The following INTS6 variants were observed in gnomAD, a reference collection of about 807,000 sequenced individuals.
INTS6 encodes the protein DEAD box protein.
A neutral mutation model predicts 104.9 loss-of-function variants in INTS6; 16 were observed. The observed-to-expected ratio is 0.15, with a 90% CI of 0.10 to 0.23. The LOEUF (loss-of-function observed/expected upper bound fraction) is 0.23. Ranked by LOEUF, INTS6 falls within the 10% of genes least tolerant of loss-of-function variation. INTS6 has a pLI of 1.00. For synonymous variants in INTS6, 324 were observed against 358.7 expected, an observed-to-expected ratio of 0.90 and a Z score of 1.09; for missense variants, 584 against 1,062.8, an observed-to-expected ratio of 0.55 and a Z score of 6.26.
chr13:51,404,115 G>C (rs1012130478), intron 4 of INTS6, among the ~76,000 whole-genome samples: 2 of 148,170 alleles, frequency 1.3e-5, no homozygotes, highest in Admixed American at 6.7e-5. Context: ...GAGAGAGAGA[G>C]AGAGAGAGAC....
At position 51,452,733 on chromosome 13, in the gene INTS6, T is replaced by A. The variant is rs1953091878; in HGVS notation, c.-208A>T. ...TCCCCAGACCCAGTGCTCCCCGTCGTACCCCCGCCTCCGCCTCCTCCTGCC... is the reference window on the plus strand; with the variant it reads ...TCCCCAGACCCAGTGCTCCCCGTCGAACCCCCGCCTCCGCCTCCTCCTGCC... On this transcript the variant is annotated 5_prime_UTR_variant, in exon 1 of 18. Transcript: ENST00000311234. This position sits in a 1 kb window ranked among gnomAD's most constrained non-coding sequence, Gnocchi z 4.2. The A allele has an allele frequency of 4.0e-6, 5 of 1,245,478 alleles. No individual in the cohort carries two copies. The highest frequency in any genetic ancestry group is 5.0e-6 in the Non-Finnish European group (5 of 990,354). 77.2% of individuals were successfully genotyped at this position (1,245,478 alleles called of 1,614,324 possible).
intron 7 of INTS6, among the ~76,000 whole-genome samples, chr13:51,386,913 G>C (rs1956150097): frequency 6.6e-6 from 1 of 151,952 alleles, no homozygotes; most frequent in South Asian, 2.1e-4. Context: ...AAATAATTCA[G>C]GTAAACAAAA....
chr13:51,434,830 G>C (rs1957158324), intron 3 of INTS6, among the ~76,000 whole-genome samples: 1 of 152,046 alleles, frequency 6.6e-6, no homozygotes, highest in East Asian at 1.9e-4. Flanking sequence ...AGTTTTAGTT[G>C]TCTGCCAGTA....
chr13:51,423,098 A>G (rs1443471336), intron 4 of INTS6: 1 of 1,265,700 alleles, frequency 7.9e-7, no homozygotes, highest in Non-Finnish European at 1.0e-6. Context: ...TACCTAGAAC[A>G]TAAATATAGA....
the INTS6 span, chr13:51,348,500 T>C: frequency 9.4e-7 from 1 of 1,068,172 alleles, no homozygotes; most frequent in Middle Eastern, 2.1e-4. Flanking sequence ...CTCCAGGGTC[T>C]GTGCTTAGCC....
the INTS6 span, among the ~76,000 whole-genome samples, chr13:51,344,993 C>G: frequency 2.0e-5 from 3 of 152,190 alleles, no homozygotes; most frequent in Non-Finnish European, 2.9e-5. Flanking sequence ...GCCTCGCTGC[C>G]CAGCAATGAG....
chr13:51,421,855 A>AAC (rs142831602), intron 4 of INTS6, among the ~76,000 whole-genome samples: 1,725 of 152,012 alleles, frequency 0.011, 25 homozygotes, highest in East Asian at 0.071. Flanking sequence ...CACAGAGTAA[A>AAC]ACACACACAC....
At chr13:51,443,337 G>A (rs377113342) in intron 3 of INTS6, 4 of 152,222 alleles carry the variant, frequency 2.6e-5, no homozygotes, top group African/African-American at 9.6e-5. Context: ...CTTGTCAGTA[G>A]ATGCAAATGT....
At chr13:51,447,186 T>C (rs374177706) in intron 3 of INTS6, 2 of 152,332 alleles carry the variant, frequency 1.3e-5, no homozygotes, top group East Asian at 3.9e-4. Context: ...TATAGCTTAA[T>C]AAATATCAAA....
the INTS6 span, chr13:51,344,165 C>T: frequency 2.1e-6 from 2 of 937,104 alleles, no homozygotes; most frequent in Non-Finnish European, 3.4e-6. Flanking sequence ...TGCTGGCGTT[C>T]CATCTCAATG....
At chr13:51,399,426 G>A (rs115084686) in intron 4 of INTS6, among the ~76,000 whole-genome samples, 51 of 152,134 alleles carry the variant, frequency 3.4e-4, no homozygotes, top group African/African-American at 1.0e-3. Context: ...CTCAAACTCC[G>A]TAATTATCCT....
At chr13:51,339,866 G>A in the INTS6 span, 1 of 152,138 alleles carries the variant, frequency 6.6e-6, no homozygotes, top group African/African-American at 2.4e-5. Flanking sequence ...AGAGCTGTGA[G>A]AACCCTGGGG....
chr13:51,357,086 A>G (rs1189100030), downstream of INTS6, among the ~76,000 whole-genome samples: 1 of 152,202 alleles, frequency 6.6e-6, no homozygotes, highest in Admixed American at 6.6e-5. Flanking sequence ...CTGCTACAGC[A>G]GCAAAACTGA....
rs981892198 is a variant in INTS6, at chr13:51,449,586, A to G, written c.339+1439T>C. On this transcript the variant is annotated intron_variant, in intron 3 of 17. Transcript: ENST00000311234. ...AAAAGAGGAAACTAATAGTTCTGCC[A>G]TACACTAACAACATGACAACCAAAT... 4.1e-6 allele frequency: 4 copies of G among 985,224 alleles called. No individual in the cohort carries two copies. In the African/African-American group the frequency reaches 7.0e-5, roughly 17 times the overall value. 61.0% of individuals were successfully genotyped at this position (985,224 alleles called of 1,614,324 possible). A position where few individuals can be genotyped will look rare whatever the true frequency, so the allele number is the denominator to read the frequency against.
At chr13:51,354,990 A>G in intron 3 of INTS6, 1 of 887,646 alleles carries the variant, frequency 1.1e-6, no homozygotes, top group Non-Finnish European at 1.8e-6. Context: ...GGTGTGTATG[A>G]AAGTATATTG....
intron 5 of INTS6, among the ~76,000 whole-genome samples, chr13:51,391,051 T>C (rs1434228705): frequency 6.6e-6 from 1 of 152,116 alleles, no homozygotes; most frequent in Non-Finnish European, 1.5e-5. Context: ...CTCTGTGAAT[T>C]TGAAATCAGT....
chr13:51,370,950 C>A (rs767567216), intron 15 of INTS6, among the ~76,000 whole-genome samples: 13 of 152,158 alleles, frequency 8.5e-5, no homozygotes, highest in Non-Finnish European at 1.8e-4. Flanking sequence ...CAAGCAGGGT[C>A]ATTCTCAAGG....
intron 5 of INTS6, among the ~76,000 whole-genome samples, chr13:51,393,545 C>G (rs191969233): frequency 1.4e-4 from 21 of 152,172 alleles, no homozygotes; most frequent in African/African-American, 5.1e-4. Flanking sequence ...ACACATTATT[C>G]AGAGATATGA....
rs372346191 is a variant in INTS6, at chr13:51,374,204, T to C, written c.2104+4A>G. The C allele has an allele frequency of 8.3e-5, 134 of 1,606,668 alleles. No homozygotes were observed. Among genetic ancestry groups the C allele is most frequent in the Non-Finnish European group, 1.1e-4 (130 of 1,174,372 alleles). ...ATAATGTTTAAGAAAAAAACAATTCTTACTTTTATGAAGAGGAAGAGGTTT... is the reference window on the plus strand; with the variant it reads ...ATAATGTTTAAGAAAAAAACAATTCCTACTTTTATGAAGAGGAAGAGGTTT... On this transcript the variant is annotated splice_donor_region_variant and intron_variant, in intron 15 of 17. Coordinates refer to ENST00000311234, the MANE Select transcript of INTS6 (RefSeq NM_012141.3).
Sources: gnomAD v4.1 joint callset for allele counts (sites outside exome capture counted in the v4.1 genomes callset) on GRCh38, gnomAD v4.1.1 for gene constraint, Gnocchi (gnomAD v3.1) non-coding constraint, MANE v1.5 for transcripts, NCBI Gene and HGNC (gene_info 2026-07-23, HGNC 2026-07-21) for gene names.